CRACDL: variants seen among roughly 807,000 people sequenced by gnomAD.
The protein encoded by CRACDL is CRACD like, also known as CRACD-like protein.
Under a neutral mutation model 70.6 loss-of-function variants are expected in CRACDL, and 26 were observed. The observed-to-expected ratio is 0.37, with a 90% CI of 0.27 to 0.51. The LOEUF is 0.51. Among genes scored for constraint, CRACDL ranks in the 20% least tolerant of loss-of-function variants. The probability of loss-of-function intolerance (pLI) is 0.94; values close to 1 mark genes in which losing one functional copy is unlikely to be tolerated. For missense variants in CRACDL, 1,283 were observed against 1,376.9 expected, an observed-to-expected ratio of 0.93 and a Z score of 1.08; for synonymous variants, 618 against 615.2, an observed-to-expected ratio of 1.00 and a Z score of -0.07.
chr2:98,801,080 C>T (rs1467495776), intron 7 of CRACDL, among the ~76,000 whole-genome samples: 3 of 152,216 alleles, frequency 2.0e-5, no homozygotes, highest in Non-Finnish European at 4.4e-5. Context: ...CTTATGACCA[C>T]ACCACCATTT....
intron 1 of CRACDL, among the ~76,000 whole-genome samples, chr2:98,870,231 CTA>C (rs1558614912): frequency 6.6e-6 from 1 of 152,142 alleles, no homozygotes; most frequent in Non-Finnish European, 1.5e-5. Flanking sequence ...AGGTGCGATT[CTA>C]TGTTAGTAAA....
intron 6 of CRACDL, among the ~76,000 whole-genome samples, chr2:98,824,949 G>A (rs1172754309): frequency 1.3e-5 from 2 of 152,214 alleles, no homozygotes; most frequent in Non-Finnish European, 2.9e-5. Flanking sequence ...AACTGCTGAT[G>A]TTGAAACCTC....
At chr2:98,924,632 C>A (rs537239059) in intron 1 of CRACDL, among the ~76,000 whole-genome samples, 43 of 152,306 alleles carry the variant, frequency 2.8e-4, no homozygotes, top group Admixed American at 5.9e-4. Flanking sequence ...CTGGGCCCAG[C>A]AAGGTATGCC....
At chr2:98,905,181 C>T (rs1180112376) in intron 1 of CRACDL, among the ~76,000 whole-genome samples, 2 of 146,286 alleles carry the variant, frequency 1.4e-5, no homozygotes, top group African/African-American at 2.6e-5. Context: ...ACCCGGGAGG[C>T]GGAGCTTGCA....
intron 1 of CRACDL, among the ~76,000 whole-genome samples, chr2:98,913,313 G>A (rs749741487): frequency 5.9e-5 from 9 of 152,178 alleles, no homozygotes; most frequent in Non-Finnish European, 1.3e-4. Context: ...GAAGCCACAT[G>A]AGAACGGTCA....
At chr2:98,916,300 T>C (rs968548186) in intron 1 of CRACDL, among the ~76,000 whole-genome samples, 4 of 152,092 alleles carry the variant, frequency 2.6e-5, no homozygotes, top group Admixed American at 6.6e-5. Flanking sequence ...AACTGAGTAA[T>C]AGGGATAGAG....
chr2:98,858,310 T>C (rs1470825927), intron 1 of CRACDL, among the ~76,000 whole-genome samples: 1 of 151,184 alleles, frequency 6.6e-6, no homozygotes, highest in Non-Finnish European at 1.5e-5. Context: ...AGGCCAGGAG[T>C]TCCAGACCAG....
At chr2:98,861,296 G>A (rs1386065003) in intron 1 of CRACDL, among the ~76,000 whole-genome samples, 1 of 152,132 alleles carries the variant, frequency 6.6e-6, no homozygotes. Context: ...GCAGTGAGCT[G>A]AGATCATGCC....
intron 1 of CRACDL, among the ~76,000 whole-genome samples, chr2:98,917,633 C>T (rs1029200450): frequency 7.9e-5 from 12 of 152,182 alleles, no homozygotes; most frequent in Non-Finnish European, 1.6e-4. Context: ...TCTCCTTTTA[C>T]GAGCAAATTC....
Position 98,823,326 on chromosome 2 carries a change from G to A in CRACDL, c.947C>T (p.Ser316Phe), listed in dbSNP as rs1015554225. The A allele has an allele frequency of 2.0e-6, 3 of 1,481,818 alleles. No homozygotes were observed. Among genetic ancestry groups the A allele is most frequent in the Non-Finnish European group, 2.7e-6 (3 of 1,126,742 alleles). 91.8% of individuals were successfully genotyped at this position (1,481,818 alleles called of 1,614,324 possible). The change falls in exon 7 of 10, where the codon TCC (serine) becomes TTC (phenylalanine). Residue 316 changes from serine to phenylalanine, a missense_variant. By Grantham distance (155) the Ser-to-Phe change is radical. Transcript: ENST00000397899. This position sits in a 1 kb window ranked among gnomAD's most constrained non-coding sequence, Gnocchi z 4.0. ...RARRARLQHS[S>F]ALTASVEEGG... ...CTCCTCCACGCTGGCCGTGAGCGCG[G>A]AGGAGTGCTGCAGGCGGGCGCGTCT...
chr2:98,872,610 A>T (rs1003036113), intron 1 of CRACDL, among the ~76,000 whole-genome samples: 7 of 152,226 alleles, frequency 4.6e-5, no homozygotes, highest in Non-Finnish European at 7.3e-5. Context: ...TTAAAACTAA[A>T]TAAAATAAAA....
intron 1 of CRACDL, among the ~76,000 whole-genome samples, chr2:98,865,624 G>A (rs889225846): frequency 6.6e-6 from 1 of 152,030 alleles, no homozygotes; most frequent in African/African-American, 2.4e-5. Context: ...TGAAATGCTT[G>A]CAGAGTTCCT....
chr2:98,851,188 G>T (rs1268971619), intron 1 of CRACDL, among the ~76,000 whole-genome samples: 1 of 152,168 alleles, frequency 6.6e-6, no homozygotes, highest in African/African-American at 2.4e-5. Flanking sequence ...ACTTGTTTGG[G>T]AGGTGTCTGC....
chr2:98,866,396 A>AAATG (rs1397307519), intron 1 of CRACDL, among the ~76,000 whole-genome samples: 5 of 151,926 alleles, frequency 3.3e-5, no homozygotes, highest in East Asian at 3.9e-4. Flanking sequence ...AAATATTGTT[A>AAATG]AATGAATGAA....
intron 7 of CRACDL, among the ~76,000 whole-genome samples, chr2:98,798,144 A>G (rs765848209): frequency 6.6e-6 from 1 of 152,194 alleles, no homozygotes; most frequent in African/African-American, 2.4e-5. Context: ...CAGGAGTTCG[A>G]GACCAACTTG....
intron 1 of CRACDL, among the ~76,000 whole-genome samples, chr2:98,913,187 T>A (rs1002250014): frequency 2.0e-5 from 3 of 152,220 alleles, no homozygotes; most frequent in African/African-American, 7.2e-5. Flanking sequence ...TCCCTCTGAG[T>A]ATGCCAGAAC....
chr2:98,893,764 C>T lies in CRACDL; in HGVS notation c.-11+42174G>A, dbSNP rs533454378. 1.7e-4 allele frequency among the ~76,000 whole-genome samples: 26 copies of T among 152,336 alleles called. No homozygotes were observed. The South Asian group carries it at 5.4e-3, about 32-fold the overall frequency. On this transcript the variant is annotated intron_variant, in intron 1 of 9. Coordinates refer to ENST00000397899, the MANE Select transcript of CRACDL (RefSeq NM_207362.3). Reference sequence around the variant, plus strand: ...TAGTTAAAAAGAAGGAAGTCTCCCACGTCTATTTCTGTCCCCCTCATTTTG... The same window carrying T: ...TAGTTAAAAAGAAGGAAGTCTCCCATGTCTATTTCTGTCCCCCTCATTTTG...
At chr2:98,814,133 A>C (rs969806345) in intron 7 of CRACDL, among the ~76,000 whole-genome samples, 1 of 151,868 alleles carries the variant, frequency 6.6e-6, no homozygotes, top group African/African-American at 2.4e-5. Context: ...TGGTTTCATC[A>C]ATTTTTTTTC....
Position 98,823,175 on chromosome 2 carries a change from G to A in CRACDL, c.1098C>T (p.Pro366=). 3 of 1,521,042 alleles carry A rather than the reference G, an allele frequency of 2.0e-6. No individual in the cohort carries two copies. The highest frequency in any genetic ancestry group is 2.6e-6 in the Non-Finnish European group (3 of 1,137,348). 94.2% of individuals were successfully genotyped at this position (1,521,042 alleles called of 1,614,324 possible). ...SPPEGPPNPG[P]DGGKQDGEAP... The stretch of plus-strand genomic sequence containing the variant: ...CCTCCCCATCCTGCTTTCCGCCGTC[G>A]GGACCGGGATTCGGGGGGCCCTCCG... Residue 366 remains proline (P), a synonymous_variant, in exon 7 of 10, where the codon CCC becomes CCT. Transcript: ENST00000397899. The surrounding 1 kb of genome is among the most constrained non-coding windows in gnomAD (Gnocchi z 4.0).
Sources: allele counts gnomAD v4.1 joint callset (sites outside exome capture counted in the v4.1 genomes callset), GRCh38; gene constraint gnomAD v4.1.1; non-coding constraint Gnocchi (gnomAD v3.1); transcripts MANE v1.5; gene names NCBI Gene and HGNC (gene_info 2026-07-23, HGNC 2026-07-21).